Variants in LRRC4C observed in about 807,000 individuals in gnomAD.
LRRC4C encodes leucine-rich repeat-containing protein 4C.
In LRRC4C, 5 loss-of-function variants were observed where a neutral mutation model predicts 33.6. The observed-to-expected ratio is 0.15, with a 90% confidence interval of 0.08 to 0.31. LRRC4C has a LOEUF of 0.31. Ranked by LOEUF, LRRC4C falls within the 10% of genes least tolerant of loss-of-function variation. The pLI is 1.00. For synonymous variants in LRRC4C, 329 were observed against 302.0 expected (o/e 1.09, Z -0.93); for missense variants, 560 against 796.7 (o/e 0.70, Z 3.58).
At chr11:40,381,269 C>T (rs2137347484) in intron 3 of LRRC4C, among the ~76,000 whole-genome samples, 1 of 149,544 alleles carries the variant, frequency 6.7e-6, no homozygotes, top group Non-Finnish European at 1.5e-5. Context: ...GAGTAGAATG[C>T]AACGGTGGGG....
intron 2 of LRRC4C, among the ~76,000 whole-genome samples, chr11:40,887,136 G>A (rs1441096138): frequency 6.6e-6 from 1 of 151,312 alleles, no homozygotes; most frequent in Non-Finnish European, 1.5e-5. Flanking sequence ...TATTTGAACT[G>A]ACTTTCTAGG....
chr11:41,080,810 T>C (rs1404314597), intron 1 of LRRC4C, among the ~76,000 whole-genome samples: 1 of 152,222 alleles, frequency 6.6e-6, no homozygotes, highest in African/African-American at 2.4e-5. Flanking sequence ...AGAATTACCT[T>C]GATTGTCATT....
chr11:41,002,389 G>A (rs899696004), intron 1 of LRRC4C, among the ~76,000 whole-genome samples: 1 of 152,084 alleles, frequency 6.6e-6, no homozygotes, highest in African/African-American at 2.4e-5. Flanking sequence ...CTTGCCATTG[G>A]ATCCACATCC....
chr11:40,234,743 C>G (rs1398804460), intron 5 of LRRC4C, among the ~76,000 whole-genome samples: 2 of 152,202 alleles, frequency 1.3e-5, no homozygotes, highest in Non-Finnish European at 2.9e-5. Context: ...TGCACTCCAG[C>G]CTGGCCAACA....
chr11:41,321,472 C>T (rs1591261577), intron 1 of LRRC4C, among the ~76,000 whole-genome samples: 1 of 152,226 alleles, frequency 6.6e-6, no homozygotes, highest in Admixed American at 6.5e-5. Context: ...AAAAAACTGC[C>T]TGTCAATTTC....
intron 3 of LRRC4C, among the ~76,000 whole-genome samples, chr11:40,327,408 T>A (rs7933857): frequency 0.84 from 128,536 of 152,116 alleles, 55,673 homozygotes; most frequent in South Asian, 0.96. Flanking sequence ...ACTGTTCCCT[T>A]GCAGAAAATG....
At chr11:40,951,261 CA>C (rs1439161425) in intron 1 of LRRC4C, among the ~76,000 whole-genome samples, 2 of 151,666 alleles carry the variant, frequency 1.3e-5, no homozygotes. Flanking sequence ...CCTTGTTTTC[CA>C]AAACTCTTTC....
intron 3 of LRRC4C, among the ~76,000 whole-genome samples, chr11:40,506,919 C>G (rs1277114534): frequency 6.6e-6 from 1 of 151,968 alleles, no homozygotes; most frequent in African/African-American, 2.4e-5. Context: ...ACTAGAAAAA[C>G]TAGCTGTTAA....
At chr11:40,207,741 T>A (rs1863266290) in intron 5 of LRRC4C, among the ~76,000 whole-genome samples, 1 of 152,222 alleles carries the variant, frequency 6.6e-6, no homozygotes, top group South Asian at 2.1e-4. Context: ...CATCTGTTCA[T>A]CCAAGCTCCT....
chr11:40,716,150 T>C (rs768453282), intron 2 of LRRC4C, among the ~76,000 whole-genome samples: 3 of 152,022 alleles, frequency 2.0e-5, no homozygotes, highest in Non-Finnish European at 4.4e-5. Flanking sequence ...CACTCAAATA[T>C]ATGCAGTAAT....
intron 5 of LRRC4C, among the ~76,000 whole-genome samples, chr11:40,209,188 G>A (rs1236810443): frequency 6.6e-6 from 1 of 152,122 alleles, no homozygotes; most frequent in Non-Finnish European, 1.5e-5. Context: ...ACATAAGGCT[G>A]TTCCAGGGTT....
chr11:40,243,683 A>G (rs1301510516), intron 4 of LRRC4C, among the ~76,000 whole-genome samples: 1 of 142,192 alleles, frequency 7.0e-6, no homozygotes, highest in East Asian at 2.0e-4. Context: ...GAAAAAACTT[A>G]TATCTTTTTT....
intron 2 of LRRC4C, among the ~76,000 whole-genome samples, chr11:40,746,316 A>G (rs1237246111): frequency 5.3e-5 from 8 of 152,088 alleles, no homozygotes; most frequent in East Asian, 1.9e-4. Context: ...CTACACCAAG[A>G]TGTCATTTTA....
At chr11:40,990,232 TA>T (rs1565277570) in intron 1 of LRRC4C, among the ~76,000 whole-genome samples, 43 of 6,158 alleles carry the variant, frequency 7.0e-3, no homozygotes, top group African/African-American at 0.013. Flanking sequence ...TGTCAAGTTT[TA>T]TATATATATA....
chr11:40,953,703 A>G (rs1161176299), intron 1 of LRRC4C, among the ~76,000 whole-genome samples: 1 of 151,848 alleles, frequency 6.6e-6, no homozygotes, highest in Non-Finnish European at 1.5e-5. Flanking sequence ...ACCATGTGGC[A>G]TAAAGAACAG....
At chr11:40,639,673 T>C (rs1205238442) in intron 3 of LRRC4C, among the ~76,000 whole-genome samples, 1 of 152,240 alleles carries the variant, frequency 6.6e-6, no homozygotes, top group East Asian at 1.9e-4. Flanking sequence ...AAATTTCTGC[T>C]TTGTGGTGTG....
Position 40,339,316 on chromosome 11 carries a change from G to A in LRRC4C, c.-269-19595C>T, listed in dbSNP as rs1312625168. Reference sequence around the variant, plus strand: ...GTCTTTCCACAATATAATAAAAATAGCATGGGTTATAGAATAAAAAAACAC... The same window carrying A: ...GTCTTTCCACAATATAATAAAAATAACATGGGTTATAGAATAAAAAAACAC... On this transcript the variant is annotated intron_variant, in intron 3 of 6. Transcript: ENST00000528697. 1.3e-5 allele frequency among the ~76,000 whole-genome samples: 2 copies of A among 152,110 alleles called. 1 individual carries two copies. Among genetic ancestry groups the A allele is most frequent in the African/African-American group, 4.8e-5 (2 of 41,412 alleles).
intron 2 of LRRC4C, among the ~76,000 whole-genome samples, chr11:40,769,897 A>T (rs1339979392): frequency 6.6e-6 from 1 of 152,098 alleles, no homozygotes; most frequent in African/African-American, 2.4e-5. Flanking sequence ...CCCTGAGAAA[A>T]CTCTCTAGGA....
At chr11:40,414,174 G>T (rs1950245423) in intron 3 of LRRC4C, among the ~76,000 whole-genome samples, 1 of 151,938 alleles carries the variant, frequency 6.6e-6, no homozygotes, top group African/African-American at 2.4e-5. Context: ...AGAAATTCTA[G>T]ACTTACATGA....
Sources: gnomAD v4.1 joint callset for allele counts (sites outside exome capture counted in the v4.1 genomes callset) on GRCh38, gnomAD v4.1.1 for gene constraint, MANE v1.5 for transcripts, NCBI Gene and HGNC (gene_info 2026-07-23, HGNC 2026-07-21) for gene names.